Variants in MAML3 observed in about 807,000 individuals in gnomAD.
MAML3 encodes the protein mastermind-like protein 3.
A neutral mutation model predicts 101.9 loss-of-function variants in MAML3; 27 were observed. That is an observed-to-expected ratio of 0.27 (90% CI 0.20 to 0.37). The LOEUF is 0.37. Ranked by LOEUF, MAML3 falls within the 10% of genes least tolerant of loss-of-function variation. The pLI, the probability that MAML3 is intolerant of heterozygous loss-of-function variation, is 1.00. For missense variants in MAML3, 1,316 were observed against 1,444.9 expected, an observed-to-expected ratio of 0.91 and a Z score of 1.45; for synonymous variants, 501 against 555.9, an observed-to-expected ratio of 0.90 and a Z score of 1.39.
intron 2 of MAML3, among the ~76,000 whole-genome samples, chr4:139,745,592 C>T (rs530751628): frequency 4.6e-5 from 7 of 152,120 alleles, no homozygotes; most frequent in Non-Finnish European, 8.8e-5. Flanking sequence ...GTCTGGGATC[C>T]CACCTCCTCC....
chr4:139,985,231 A>G (rs769789142), intron 1 of MAML3, among the ~76,000 whole-genome samples: 7 of 152,238 alleles, frequency 4.6e-5, no homozygotes, highest in Non-Finnish European at 1.0e-4. Context: ...AGCCAAGTCT[A>G]GAAGTAATAA....
At chr4:140,063,611 G>A (rs1727485242) in intron 1 of MAML3, among the ~76,000 whole-genome samples, 1 of 151,958 alleles carries the variant, frequency 6.6e-6, no homozygotes, top group Non-Finnish European at 1.5e-5. Context: ...CTTGCTTTGG[G>A]GTCTTTACAG....
At chr4:140,050,526 C>T (rs1727249724) in intron 1 of MAML3, among the ~76,000 whole-genome samples, 1 of 151,864 alleles carries the variant, frequency 6.6e-6, no homozygotes, top group African/African-American at 2.4e-5. Context: ...TACAGCTGTA[C>T]ATCCTCGCAC....
chr4:140,129,089 G>A (rs551260477), intron 1 of MAML3, among the ~76,000 whole-genome samples: 78 of 152,214 alleles, frequency 5.1e-4, no homozygotes, highest in African/African-American at 1.8e-3. Flanking sequence ...ACTCTCGGGG[G>A]ACTCAGTAGC....
At chr4:140,076,973 T>A (rs1727778676) in intron 1 of MAML3, among the ~76,000 whole-genome samples, 1 of 151,968 alleles carries the variant, frequency 6.6e-6, no homozygotes, top group Admixed American at 6.6e-5. Flanking sequence ...CACTGCAACC[T>A]CCGCCTCCAG....
intron 1 of MAML3, among the ~76,000 whole-genome samples, chr4:139,899,355 A>C (rs1732670537): frequency 6.6e-6 from 1 of 152,218 alleles, no homozygotes; most frequent in African/African-American, 2.4e-5. Context: ...ATTCTGCAGA[A>C]GCTTGCTGGA....
chr4:140,017,818 G>C (rs1051619385), intron 1 of MAML3, among the ~76,000 whole-genome samples: 1 of 88,470 alleles, frequency 1.1e-5, no homozygotes, highest in Non-Finnish European at 2.6e-5. Flanking sequence ...GGCAATATGA[G>C]AGATTCTAGT....
chr4:140,006,797 T>C (rs1440504946), intron 1 of MAML3, among the ~76,000 whole-genome samples: 1 of 151,982 alleles, frequency 6.6e-6, no homozygotes, highest in African/African-American at 2.4e-5. Context: ...CAAATAAAAA[T>C]AATAAAAGCT....
chr4:139,868,716 T>A (rs1368922327), intron 2 of MAML3, among the ~76,000 whole-genome samples: 3 of 152,204 alleles, frequency 2.0e-5, no homozygotes, highest in African/African-American at 7.2e-5. Flanking sequence ...CTTGAAACAT[T>A]GTCTTCACTT....
chr4:140,082,349 G>A (rs961057793), intron 1 of MAML3, among the ~76,000 whole-genome samples: 4 of 152,064 alleles, frequency 2.6e-5, no homozygotes, highest in Non-Finnish European at 4.4e-5. Flanking sequence ...TTCAGGCCTC[G>A]TCTAATTTAA....
intron 1 of MAML3, among the ~76,000 whole-genome samples, chr4:140,060,384 A>AAAAAAAAAAAAAAAAAAAAC (rs1727426311): frequency 6.7e-6 from 1 of 148,834 alleles, no homozygotes; most frequent in Admixed American, 6.7e-5. Context: ...AAAAAAAAAA[A>AAAAAAAAAAAAAAAAAAAAC]AGTCACAAGC....
chr4:140,086,881 C>T (rs971999414), intron 1 of MAML3, among the ~76,000 whole-genome samples: 3 of 152,102 alleles, frequency 2.0e-5, no homozygotes, highest in Non-Finnish European at 4.4e-5. Context: ...GAAAATAGGC[C>T]GGGCACGGTG....
At position 139,736,158 on chromosome 4, in the gene MAML3, T is replaced by C. The variant is rs537090265; in HGVS notation, c.2080-5491A>G. Among the ~76,000 whole-genome samples, 4 of 151,988 alleles carry C rather than the reference T, an allele frequency of 2.6e-5. No homozygotes were observed. In the South Asian group the frequency reaches 8.3e-4, roughly 32 times the overall value. On this transcript the variant is annotated intron_variant, in intron 2 of 4. Transcript: ENST00000509479. ...CTCACTCACTCTGAATTGGGTCAAG[T>C]AAAAAAAAATTTTTTTTAAAGGAAG...
intron 1 of MAML3, among the ~76,000 whole-genome samples, chr4:140,035,859 A>G (rs911107360): frequency 2.0e-5 from 3 of 152,176 alleles, no homozygotes; most frequent in Non-Finnish European, 4.4e-5. Flanking sequence ...CTGAGGTTGA[A>G]CGGTAATGCT....
At chr4:139,790,387 G>T (rs1370615701) in intron 2 of MAML3, among the ~76,000 whole-genome samples, 1 of 148,890 alleles carries the variant, frequency 6.7e-6, no homozygotes, top group Non-Finnish European at 1.5e-5. Context: ...TTTTTTCATT[G>T]TAGAAAACAT....
intron 2 of MAML3, among the ~76,000 whole-genome samples, chr4:139,882,587 G>A (rs1453278762): frequency 1.3e-5 from 2 of 152,152 alleles, no homozygotes; most frequent in East Asian, 1.9e-4. Flanking sequence ...AGTGGCTCAC[G>A]TCTGTAATCC....
At chr4:139,801,730 G>A (rs999604372) in intron 2 of MAML3, among the ~76,000 whole-genome samples, 1 of 151,926 alleles carries the variant, frequency 6.6e-6, no homozygotes, top group South Asian at 2.1e-4. Context: ...GTCTGTTCAT[G>A]TTTGTGTCTT....
At chr4:140,042,044 TACGAAGTATTATTATCCAC>T (rs1727094226) in intron 1 of MAML3, among the ~76,000 whole-genome samples, 1 of 152,170 alleles carries the variant, frequency 6.6e-6, no homozygotes, top group South Asian at 2.1e-4. Flanking sequence ...TCCTGTGAAG[TACGAAGTATTATTATCCAC>T]ATTTTACTAA....
intron 1 of MAML3, among the ~76,000 whole-genome samples, chr4:140,104,370 A>ATATATAATATATTATATATTATATAT (rs1728301762): frequency 4.9e-4 from 11 of 22,550 alleles, no homozygotes; most frequent in Non-Finnish European, 4.9e-4. Context: ...TTTTATATAT[A>ATATATAATATATTATATATTATATAT]TATATAATAT....
Sources: gnomAD v4.1 joint callset for allele counts (sites outside exome capture counted in the v4.1 genomes callset) on GRCh38, gnomAD v4.1.1 for gene constraint, MANE v1.5 for transcripts, NCBI Gene and HGNC (gene_info 2026-07-23, HGNC 2026-07-21) for gene names.